The following PLCZ1 variants were observed in gnomAD, a reference collection of about 807,000 sequenced individuals.
The protein encoded by PLCZ1 is 1-phosphatidylinositol 4,5-bisphosphate phosphodiesterase zeta-1.
In PLCZ1, 64 loss-of-function variants were observed where a neutral mutation model predicts 76.8. The ratio of observed to expected loss-of-function variants is 0.83; its 90% CI spans 0.68 to 1.03. The LOEUF is 1.03. Ranked by LOEUF, PLCZ1 falls within the 50% of genes least tolerant of loss-of-function variation. The probability of loss-of-function intolerance (pLI) is 0.00; values close to 1 mark genes in which losing one functional copy is unlikely to be tolerated. For synonymous variants in PLCZ1, 248 were observed against 230.8 expected (o/e 1.07, Z -0.68); for missense variants, 751 against 713.7 (o/e 1.05, Z -0.60).
chr12:18,683,189 G>A lies in PLCZ1; in HGVS notation c.*50C>T. 6.9e-7 allele frequency: 1 copy of A among 1,457,456 alleles called. No individual in the cohort carries two copies. The highest frequency in any genetic ancestry group is 1.7e-4 in the Middle Eastern group (1 of 5,722). The allele number at this position is 1,457,456 out of a possible 1,614,324, so 90.3% of individuals were successfully genotyped here. A position where few individuals can be genotyped will look rare whatever the true frequency, so the allele number is the denominator to read the frequency against. On this transcript the variant is annotated 3_prime_UTR_variant, in exon 15 of 15. Transcript: ENST00000266505. Reference sequence around the variant, plus strand: ...AGAAAACATAAAGACATTCATTTTGGCTGTTTTATTGCGATGCATAGCTAA... The same window carrying A: ...AGAAAACATAAAGACATTCATTTTGACTGTTTTATTGCGATGCATAGCTAA...
chr12:18,656,124 T>C, the PLCZ1 span, among the ~76,000 whole-genome samples: 1 of 152,152 alleles, frequency 6.6e-6, no homozygotes, highest in Non-Finnish European at 1.5e-5. Flanking sequence ...TAAAGTTCCA[T>C]TCTTCCACAA....
chr12:18,708,870 T>C (rs145274006), intron 6 of PLCZ1, among the ~76,000 whole-genome samples: 7 of 152,274 alleles, frequency 4.6e-5, no homozygotes, highest in African/African-American at 1.4e-4. Flanking sequence ...TTTTTTCCAC[T>C]AATGAGTTGT....
chr12:18,726,308 T>C (rs1371325447), intron 3 of PLCZ1, among the ~76,000 whole-genome samples: 1 of 152,160 alleles, frequency 6.6e-6, no homozygotes, highest in African/African-American at 2.4e-5. Context: ...ATAAGAGTAA[T>C]AAAATCATTT....
At chr12:18,661,449 A>G in the PLCZ1 span, among the ~76,000 whole-genome samples, 1 of 152,182 alleles carries the variant, frequency 6.6e-6, no homozygotes, top group Non-Finnish European at 1.5e-5. Context: ...TCGTAGGATT[A>G]TATATTTAAA....
At chr12:18,693,917 C>T (rs1592050459) in intron 12 of PLCZ1, 4 of 1,526,934 alleles carry the variant, frequency 2.6e-6, no homozygotes, top group Non-Finnish European at 1.8e-6. Context: ...TGTAACCCTG[C>T]ACGACTTGAT....
the PLCZ1 span, among the ~76,000 whole-genome samples, chr12:18,663,694 T>G: frequency 6.6e-6 from 1 of 151,698 alleles, no homozygotes; most frequent in East Asian, 1.9e-4. Context: ...TTGGCAATGA[T>G]TTGTGAGACA....
At chr12:18,685,666 G>A (rs757641033) in intron 13 of PLCZ1, 4 of 515,680 alleles carry the variant, frequency 7.8e-6, no homozygotes, top group African/African-American at 5.8e-5. Context: ...GACCTAAGAA[G>A]AGAAATAATT....
chr12:18,656,240 G>A, the PLCZ1 span, among the ~76,000 whole-genome samples: 2 of 151,992 alleles, frequency 1.3e-5, no homozygotes, highest in African/African-American at 4.8e-5. Flanking sequence ...ACCAACCTGG[G>A]CAACATAGCA....
chr12:18,664,402 T>C, the PLCZ1 span, among the ~76,000 whole-genome samples: 216 of 152,312 alleles, frequency 1.4e-3, 1 homozygote, highest in African/African-American at 5.0e-3. Context: ...ATAAGGAAAC[T>C]GTAGTTTATA....
At chr12:18,653,510 G>C in the PLCZ1 span, among the ~76,000 whole-genome samples, 127 of 152,262 alleles carry the variant, frequency 8.3e-4, no homozygotes, top group Middle Eastern at 0.017. Context: ...TAAATTTGTA[G>C]CTTAAAATTC....
chr12:18,696,098 G>A, intron 11 of PLCZ1, 52 bp downstream of exon 11: 1 of 997,096 alleles, frequency 1.0e-6, no homozygotes, highest in Non-Finnish European at 1.5e-6. Flanking sequence ...TTCATAAAAT[G>A]AATTCATTTT....
rs770293153 is a variant in PLCZ1 at position 18,723,306 on chromosome 12, C to T, written c.367+5G>A. On this transcript the variant is annotated splice_donor_5th_base_variant and intron_variant, in intron 4 of 14. Transcript: ENST00000266505. Reference sequence around the variant, plus strand: ...TTCCGATAAAAGTTTGAAATGCAAACATACCTTCTTCGATAGGCTCGTATT... The same window carrying T: ...TTCCGATAAAAGTTTGAAATGCAAATATACCTTCTTCGATAGGCTCGTATT... 1.2e-6 allele frequency: 2 copies of T among 1,605,478 alleles called. No homozygotes were observed. The highest frequency in any genetic ancestry group is 1.7e-6 in the Non-Finnish European group (2 of 1,174,044).
At chr12:18,717,923 A>G (rs539717598) in intron 5 of PLCZ1, among the ~76,000 whole-genome samples, 65 of 152,254 alleles carry the variant, frequency 4.3e-4, no homozygotes, top group African/African-American at 1.5e-3. Context: ...CAAGCTAGCA[A>G]TATGCTGTAT....
the PLCZ1 span, among the ~76,000 whole-genome samples, chr12:18,658,176 A>G: frequency 1.3e-5 from 2 of 152,178 alleles, no homozygotes; most frequent in Non-Finnish European, 2.9e-5. Context: ...AGAAAAATCA[A>G]CAGATCCTAA....
chr12:18,701,689 TAC>T lies in PLCZ1; in HGVS notation c.949+1_949+2del. The stretch of plus-strand genomic sequence containing the variant: ...ACTTCTTCTTCCCATTCCTCCACCT[TAC>T]CACGCTTATCAGAACCTTTTCTTTC... On this transcript the variant is annotated splice_donor_variant, in intron 8 of 14. Coordinates refer to ENST00000266505, the MANE Select transcript of PLCZ1 (RefSeq NM_033123.4). LOFTEE classifies it high-confidence loss of function. 1 of 1,610,370 alleles carries T rather than the reference TAC, an allele frequency of 6.2e-7. No homozygotes were observed. The highest frequency in any genetic ancestry group is 1.1e-5 in the South Asian group (1 of 90,966).
chr12:18,723,475 G>C lies in PLCZ1; in HGVS notation c.203C>G (p.Thr68Arg). The stretch of plus-strand genomic sequence containing the variant: ...AATCTCAATAATTTCTTCTCTGTGC[G>C]TGATAATTCGATAAATTGCTCTAAA... Reference protein sequence around the residue: ...EEFRAIYRIITHREEIIEIFN... With the variant: ...EEFRAIYRIIRHREEIIEIFN... Residue 68 changes from threonine to arginine, a missense_variant, in exon 4 of 15, where the codon ACG becomes AGG. Coordinates refer to ENST00000266505, the MANE Select transcript of PLCZ1 (RefSeq NM_033123.4). 4 of 1,612,840 alleles carry C rather than the reference G, an allele frequency of 2.5e-6. No individual in the cohort carries two copies. Among genetic ancestry groups the C allele is most frequent in the Non-Finnish European group, 3.4e-6 (4 of 1,179,386 alleles).
intron 12 of PLCZ1, chr12:18,693,651 C>T: frequency 6.4e-7 from 1 of 1,565,068 alleles, no homozygotes; most frequent in Non-Finnish European, 8.8e-7. Context: ...GCCATTGGGA[C>T]AAAAAGATAT....
intron 7 of PLCZ1, among the ~76,000 whole-genome samples, chr12:18,704,690 C>T (rs1020615945): frequency 2.6e-5 from 4 of 151,832 alleles, no homozygotes; most frequent in African/African-American, 4.8e-5. Context: ...TAGATGTGGA[C>T]GTGATTTTTC....
At chr12:18,700,984 A>AATT in intron 9 of PLCZ1, among the ~76,000 whole-genome samples, 1 of 149,490 alleles carries the variant, frequency 6.7e-6, no homozygotes, top group Non-Finnish European at 1.5e-5. Context: ...AATTATAGAG[A>AATT]TTTTTTTTTT....
Sources: gnomAD v4.1 joint callset for allele counts (sites outside exome capture counted in the v4.1 genomes callset) on GRCh38, gnomAD v4.1.1 for gene constraint, MANE v1.5 for transcripts, NCBI Gene and HGNC (gene_info 2026-07-23, HGNC 2026-07-21) for gene names.